The following PCNX2 variants were observed in gnomAD, a reference collection of about 807,000 sequenced individuals.
The protein encoded by PCNX2 is pecanex 2, also known as pecanex-like protein 2.
In PCNX2, 168 loss-of-function variants were observed where a neutral mutation model predicts 223.8. The ratio of observed to expected loss-of-function variants is 0.75; its 90% confidence interval spans 0.66 to 0.85. The LOEUF is 0.85. Among genes scored for constraint, PCNX2 ranks in the 40% least tolerant of loss-of-function variants. The probability of loss-of-function intolerance (pLI) is 0.00; values close to 1 mark genes in which losing one functional copy is unlikely to be tolerated. For missense variants in PCNX2, 2,507 were observed against 2,675.5 expected, an observed-to-expected ratio of 0.94 and a Z score of 1.39; for synonymous variants, 1,006 against 1,052.6, an observed-to-expected ratio of 0.96 and a Z score of 0.86.
intron 1 of PCNX2, among the ~76,000 whole-genome samples, chr1:233,288,351 C>T (rs1217944271): frequency 1.3e-5 from 2 of 152,062 alleles, no homozygotes; most frequent in Non-Finnish European, 2.9e-5. Flanking sequence ...CAGCCAATCA[C>T]TAATGGGGGG....
At chr1:233,093,805 TG>T (rs1225681619) in intron 22 of PCNX2, among the ~76,000 whole-genome samples, 2 of 152,110 alleles carry the variant, frequency 1.3e-5, no homozygotes, top group African/African-American at 4.8e-5. Context: ...GGGGATCCAC[TG>T]AGTGCTGTAA....
At chr1:233,096,124 CTT>C (rs1179008837) in intron 21 of PCNX2, among the ~76,000 whole-genome samples, 1 of 152,224 alleles carries the variant, frequency 6.6e-6, no homozygotes, top group Non-Finnish European at 1.5e-5. Context: ...TGGTGTATCT[CTT>C]TGCCTTTCTC....
intron 28 of PCNX2, 56 bp downstream of exon 28, chr1:233,014,609 A>G (rs1441316619): frequency 7.4e-7 from 1 of 1,357,022 alleles, no homozygotes. Flanking sequence ...AAATCTGTCA[A>G]ACATGTGAAA....
intron 1 of PCNX2, chr1:233,289,320 A>T: frequency 9.7e-7 from 1 of 1,028,144 alleles, no homozygotes; most frequent in Non-Finnish European, 1.5e-6. Context: ...CATAATATTC[A>T]GCTCCCTGAG....
chr1:233,229,648 TC>T (rs1490588730), intron 9 of PCNX2, among the ~76,000 whole-genome samples: 3 of 152,162 alleles, frequency 2.0e-5, no homozygotes, highest in African/African-American at 7.2e-5. Flanking sequence ...AAAAATGCCT[TC>T]TTAAAGCGGG....
intron 21 of PCNX2, among the ~76,000 whole-genome samples, chr1:233,101,576 G>A (rs947051889): frequency 6.6e-6 from 1 of 152,068 alleles, no homozygotes; most frequent in Non-Finnish European, 1.5e-5. Context: ...GCATGGTAAT[G>A]CATAAGGGAT....
At chr1:232,986,717 A>T (rs1050607125) in intron 32 of PCNX2, among the ~76,000 whole-genome samples, 177 bp from the exon 33 acceptor site, 1 of 152,126 alleles carries the variant, frequency 6.6e-6, no homozygotes, top group South Asian at 2.1e-4. Context: ...CCCTCCCGCC[A>T]AGTCCAGGTC....
intron 8 of PCNX2, among the ~76,000 whole-genome samples, chr1:233,249,217 T>C (rs1353487195): frequency 6.6e-6 from 1 of 152,176 alleles, no homozygotes. Context: ...TTCAAGTGTT[T>C]AACCTAGGGG....
intron 22 of PCNX2, among the ~76,000 whole-genome samples, chr1:233,090,763 A>G (rs1404086390): frequency 1.3e-5 from 2 of 152,192 alleles, no homozygotes; most frequent in Non-Finnish European, 2.9e-5. Flanking sequence ...AAAAAACACC[A>G]CATGCACATG....
chr1:233,108,537 G>A (rs1674935011), intron 21 of PCNX2, among the ~76,000 whole-genome samples: 1 of 152,182 alleles, frequency 6.6e-6, no homozygotes, highest in Non-Finnish European at 1.5e-5. Context: ...AGAAAAGACT[G>A]GTGAGCACCC....
chr1:233,043,940 G>C (rs1295464401), intron 25 of PCNX2, among the ~76,000 whole-genome samples: 1 of 151,508 alleles, frequency 6.6e-6, no homozygotes, highest in African/African-American at 2.4e-5. Context: ...GGATGGCTGG[G>C]TCAAATGGTA....
the PCNX2 span, among the ~76,000 whole-genome samples, chr1:233,310,079 C>G: frequency 6.6e-6 from 1 of 152,098 alleles, no homozygotes; most frequent in East Asian, 1.9e-4. Context: ...TTCAAACATT[C>G]TCAGAGCACT....
At chr1:233,112,314 G>T (rs1675160549) in intron 21 of PCNX2, among the ~76,000 whole-genome samples, 1 of 152,178 alleles carries the variant, frequency 6.6e-6, no homozygotes, top group Non-Finnish European at 1.5e-5. Flanking sequence ...CAAGGAAAAG[G>T]CTTCCCTGGC....
At chr1:233,094,694 T>C (rs1056397482) in intron 22 of PCNX2, among the ~76,000 whole-genome samples, 2 of 152,216 alleles carry the variant, frequency 1.3e-5, no homozygotes, top group East Asian at 1.9e-4. Flanking sequence ...CCTTAAGAAT[T>C]GTCTTAATGA....
chr1:233,186,333 T>C (rs1680094538), intron 15 of PCNX2, among the ~76,000 whole-genome samples: 1 of 152,196 alleles, frequency 6.6e-6, no homozygotes, highest in Non-Finnish European at 1.5e-5. Flanking sequence ...ATTTTTGACA[T>C]GAATCCCATC....
intron 19 of PCNX2, among the ~76,000 whole-genome samples, chr1:233,157,179 G>A (rs1678185158): frequency 6.6e-6 from 1 of 152,126 alleles, no homozygotes; most frequent in Admixed American, 6.5e-5. Flanking sequence ...GCTCTTCTGG[G>A]TAGTGATGAT....
At chr1:232,995,109 C>A (rs1348240589) in intron 32 of PCNX2, among the ~76,000 whole-genome samples, 1 of 152,124 alleles carries the variant, frequency 6.6e-6, no homozygotes, top group African/African-American at 2.4e-5. Context: ...AGAGTAGAAC[C>A]TGAGAACTGT....
In PCNX2 at chr1:232,986,317, G is replaced by A. The variant is rs543174903; in HGVS notation, c.6015C>T (p.Gly2005=). 5.0e-6 allele frequency: 8 copies of A among 1,585,550 alleles called. No individual in the cohort carries two copies. In the South Asian group the frequency reaches 9.2e-5, roughly 18 times the overall value. The change falls in exon 33 of 34, where the codon GGC becomes GGT. Residue 2005 remains glycine, a synonymous_variant. Coordinates refer to ENST00000258229, the MANE Select transcript of PCNX2 (RefSeq NM_014801.4). ...CGGCCCGCTCACGGACACTCAGGTGGCCGGTGGTGGTGACGGGCGGGGGCT... is the reference window on the plus strand; with the variant it reads ...CGGCCCGCTCACGGACACTCAGGTGACCGGTGGTGGTGACGGGCGGGGGCT... The part of the protein sequence containing the change: ...HSQPPPVTTT[G]HLSVRERAEA...
intron 23 of PCNX2, among the ~76,000 whole-genome samples, chr1:233,058,768 C>T (rs1672292764): frequency 6.8e-6 from 1 of 147,564 alleles, no homozygotes; most frequent in South Asian, 2.1e-4. Context: ...TGGGTTCAAG[C>T]GATTGTCCTG....
Sources: gnomAD v4.1 joint callset for allele counts (sites outside exome capture counted in the v4.1 genomes callset) on GRCh38, gnomAD v4.1.1 for gene constraint, MANE v1.5 for transcripts, NCBI Gene and HGNC (gene_info 2026-07-23, HGNC 2026-07-21) for gene names.